Variants in ASCC1 observed in about 807,000 individuals in gnomAD.
The protein encoded by ASCC1 is ASC-1 complex subunit P50.
Under a neutral mutation model 46.6 loss-of-function variants are expected in ASCC1, and 35 were observed. That is an observed-to-expected ratio of 0.75 (90% CI 0.57 to 0.99). ASCC1 has a LOEUF of 0.99. ASCC1 is among the 50% of genes least tolerant of loss of function. The probability of loss-of-function intolerance (pLI) is 0.00; values close to 1 mark genes in which losing one functional copy is unlikely to be tolerated. For missense variants in ASCC1, 376 were observed against 428.7 expected (o/e 0.88, Z 1.09); for synonymous variants, 143 against 146.6 (o/e 0.98, Z 0.18).
At chr10:72,214,179 C>T (rs1858656940) in intron 1 of ASCC1, among the ~76,000 whole-genome samples, 1 of 151,324 alleles carries the variant, frequency 6.6e-6, no homozygotes, top group Non-Finnish European at 1.5e-5. Context: ...ATGGCGAAAC[C>T]CTGTCTCTCA....
intron 9 of ASCC1, among the ~76,000 whole-genome samples, chr10:72,121,284 C>T (rs572140258): frequency 2.3e-4 from 35 of 152,274 alleles, no homozygotes; most frequent in African/African-American, 8.2e-4. Context: ...GCTGGGACTA[C>T]AGGCGTGCAC....
chr10:72,106,901 T>C (rs948618817), intron 9 of ASCC1, among the ~76,000 whole-genome samples: 4 of 152,196 alleles, frequency 2.6e-5, no homozygotes, highest in Non-Finnish European at 4.4e-5. Context: ...AGGCAGTGTG[T>C]ATGGGCCTCT....
At chr10:72,179,251 T>G (rs1276637450) in intron 5 of ASCC1, among the ~76,000 whole-genome samples, 1 of 152,184 alleles carries the variant, frequency 6.6e-6, no homozygotes, top group African/African-American at 2.4e-5. Context: ...TTCACCTGCC[T>G]TGGCCTCCCA....
Position 72,133,069 on chromosome 10 carries a change from T to A in ASCC1, c.859A>T (p.Lys287Ter), listed in dbSNP as rs1426244825. The A allele has an allele frequency of 6.2e-7, 1 of 1,614,194 alleles. No homozygotes were observed. Reference protein sequence around the residue: ...HATVMNTLFRKDPNAEGRYNL... With the variant: ...HATVMNTLFR Reference sequence around the variant, plus strand: ...CTGGGGGACTTACCATTGGGGTCTTTCCTGAATAGTGTATTCATAACTGTA... The same window carrying A: ...CTGGGGGACTTACCATTGGGGTCTTACCTGAATAGTGTATTCATAACTGTA... Residue 287 changes from lysine (K) to a stop codon, truncating the protein, a stop_gained, in exon 8 of 10, where the codon AAA becomes TAA. Coordinates refer to ENST00000672957, the MANE Select transcript of ASCC1 (RefSeq NM_001198800.3). LOFTEE classifies it high-confidence loss of function.
intron 5 of ASCC1, among the ~76,000 whole-genome samples, chr10:72,195,139 GTTTTTTTTTTTTTTTTT>G (rs142672810): frequency 1.3e-4 from 8 of 61,036 alleles, no homozygotes; most frequent in African/African-American, 4.6e-4. Context: ...TTTTTGCTGT[GTTTTTTTTTTTTTTTTT>G]TTTTTTTTGA....
At chr10:72,199,563 T>C (rs1484495203) in intron 4 of ASCC1, among the ~76,000 whole-genome samples, 3 of 152,112 alleles carry the variant, frequency 2.0e-5, no homozygotes, top group African/African-American at 7.2e-5. Flanking sequence ...CCCAAAGTGC[T>C]GGGATTACAG....
chr10:72,107,309 C>CA (rs1309295115), intron 9 of ASCC1, among the ~76,000 whole-genome samples: 1 of 148,324 alleles, frequency 6.7e-6, no homozygotes, highest in Non-Finnish European at 1.5e-5. Flanking sequence ...GTTACCCCCC[C>CA]CCCAAAAAAA....
At chr10:72,105,420 A>G (rs1166776113) in intron 9 of ASCC1, among the ~76,000 whole-genome samples, 1 of 152,232 alleles carries the variant, frequency 6.6e-6, no homozygotes, top group Non-Finnish European at 1.5e-5. Context: ...CCCTCCCACA[A>G]GGGGTTGAGC....
chr10:72,111,947 TC>T (rs571131611), intron 9 of ASCC1, among the ~76,000 whole-genome samples: 65 of 152,328 alleles, frequency 4.3e-4, no homozygotes, highest in African/African-American at 1.4e-3. Context: ...AGGCCAAGCA[TC>T]ATTTTTTAAG....
intron 5 of ASCC1, among the ~76,000 whole-genome samples, chr10:72,191,797 C>T (rs1854548972): frequency 6.6e-6 from 1 of 151,892 alleles, no homozygotes; most frequent in Non-Finnish European, 1.5e-5. Flanking sequence ...CAGGTGCCCG[C>T]CACCATGCCC....
chr10:72,185,986 T>C (rs1053382300), intron 5 of ASCC1, among the ~76,000 whole-genome samples: 6 of 152,144 alleles, frequency 3.9e-5, no homozygotes, highest in African/African-American at 1.4e-4. Flanking sequence ...TGTTATTTAA[T>C]AAAAATAATT....
At chr10:72,170,641 T>C (rs1008513316) in intron 5 of ASCC1, among the ~76,000 whole-genome samples, 47 of 149,036 alleles carry the variant, frequency 3.2e-4, no homozygotes, top group Admixed American at 1.3e-3. Context: ...AGAAAGCCTG[T>C]GGAAATGTTC....
intron 5 of ASCC1, among the ~76,000 whole-genome samples, chr10:72,189,782 A>G (rs1157637152): frequency 6.8e-6 from 1 of 147,018 alleles, no homozygotes; most frequent in African/African-American, 2.6e-5. Flanking sequence ...TGCCTGGGCA[A>G]CAAGAGCGAA....
At position 72,116,201 on chromosome 10, in the gene ASCC1, A is replaced by G. The variant is rs187837178; in HGVS notation, c.957+11881T>C. 3.9e-3 allele frequency among the ~76,000 whole-genome samples: 591 copies of G among 152,358 alleles called. 9 individuals are homozygous for G. Among genetic ancestry groups the G allele is most frequent in the African/African-American group, 0.014 (570 of 41,594 alleles). On this transcript the variant is annotated intron_variant, in intron 9 of 9. Coordinates refer to ENST00000672957, the MANE Select transcript of ASCC1 (RefSeq NM_001198800.3). ...CTTATAAAAATGTAATAAGAATAGT[A>G]AAAGGAATCCTGAATAGTTTTATCC...
intron 9 of ASCC1, among the ~76,000 whole-genome samples, chr10:72,099,802 A>C (rs1054509531): frequency 1.3e-5 from 2 of 152,214 alleles, no homozygotes; most frequent in African/African-American, 4.8e-5. Context: ...CCAGGGCAAC[A>C]AGAGAGAAAC....
chr10:72,177,102 C>G (rs1299391933), intron 5 of ASCC1, among the ~76,000 whole-genome samples: 1 of 151,950 alleles, frequency 6.6e-6, no homozygotes, highest in Non-Finnish European at 1.5e-5. Flanking sequence ...TTATATATAC[C>G]TGGTATAAAG....
At chr10:72,133,268 T>C (rs1845813838) in intron 7 of ASCC1, 87 bp from the exon 8 acceptor site, 3 of 1,370,148 alleles carry the variant, frequency 2.2e-6, no homozygotes, top group Admixed American at 1.7e-5. Flanking sequence ...ATGGAGCATG[T>C]GCTCTGTGCT....
At position 72,180,493 on chromosome 10, in the gene ASCC1, G is replaced by C. The variant is rs148847096; in HGVS notation, c.489+16318C>G. On this transcript the variant is annotated intron_variant, in intron 5 of 9. Coordinates refer to ENST00000672957, the MANE Select transcript of ASCC1 (RefSeq NM_001198800.3). The stretch of plus-strand genomic sequence containing the variant: ...ATACAAAAATTAGCCAAGTGTGGTG[G>C]TGTGTGCCTGTAATCCCAGCTACTC... Among the ~76,000 whole-genome samples the C allele has an allele frequency of 7.8e-3, 1,189 of 152,144 alleles. 13 individuals carry two copies. The highest frequency in any genetic ancestry group is 0.027 in the African/African-American group (1,108 of 41,474).
At chr10:72,125,453 T>C (rs1456124904) in intron 9 of ASCC1, among the ~76,000 whole-genome samples, 3 of 152,224 alleles carry the variant, frequency 2.0e-5, no homozygotes, top group Non-Finnish European at 2.9e-5. Context: ...ACAAAAACTA[T>C]ATATATGAAG....
Sources: allele counts gnomAD v4.1 joint callset (sites outside exome capture counted in the v4.1 genomes callset), GRCh38; gene constraint gnomAD v4.1.1; transcripts MANE v1.5; gene names NCBI Gene and HGNC (gene_info 2026-07-23, HGNC 2026-07-21).